The following ADAM23 variants were observed in gnomAD, a reference collection of about 807,000 sequenced individuals.
ADAM23 encodes the protein disintegrin and metalloproteinase domain-containing protein 23.
A neutral mutation model predicts 120.1 loss-of-function variants in ADAM23; 33 were observed. The ratio of observed to expected loss-of-function variants is 0.27; its 90% CI spans 0.21 to 0.37. ADAM23 has a LOEUF of 0.37. Ranked by LOEUF, ADAM23 falls within the 10% of genes least tolerant of loss-of-function variation. ADAM23 has a pLI of 1.00. For synonymous variants in ADAM23, 367 were observed against 375.2 expected (o/e 0.98, Z 0.25); for missense variants, 862 against 1,058.2 (o/e 0.81, Z 2.57).
rs183079574 is a variant in ADAM23 at position 206,584,156 on chromosome 2, A to C, written c.1738-3169A>C. 8.5e-3 allele frequency among the ~76,000 whole-genome samples: 1,287 copies of C among 152,134 alleles called. 14 individuals are homozygous for C. The highest frequency in any genetic ancestry group is 0.03 in the African/African-American group (1,235 of 41,470). On this transcript the variant is annotated intron_variant, in intron 18 of 25. Coordinates refer to ENST00000264377, the MANE Select transcript of ADAM23 (RefSeq NM_003812.4). ...CTGTGTCTAGCCATCCAGTGAGTCT[A>C]CCCGGCTCCAGGCTGGTACTGGGGG...
chr2:206,543,171 A>C, intron 5 of ADAM23, 82 bp from the exon 6 acceptor site: 1 of 1,198,016 alleles, frequency 8.3e-7, no homozygotes, highest in South Asian at 1.2e-5. Context: ...TTTTGAAGAC[A>C]CAATAATGAA....
At chr2:206,557,702 A>G (rs1277110525) in intron 10 of ADAM23, among the ~76,000 whole-genome samples, 2 of 152,312 alleles carry the variant, frequency 1.3e-5, no homozygotes, top group East Asian at 3.9e-4. Context: ...AATCCCAAAG[A>G]TACATTAGTG....
intron 7 of ADAM23, among the ~76,000 whole-genome samples, chr2:206,547,997 ATAG>A (rs3217266): frequency 0.15 from 23,396 of 152,222 alleles, 1,880 homozygotes; most frequent in Admixed American, 0.21. Flanking sequence ...TGAATTAGAC[ATAG>A]TAGAACTCTG....
intron 4 of ADAM23, among the ~76,000 whole-genome samples, chr2:206,540,738 A>T (rs1004537280): frequency 3.9e-5 from 6 of 152,004 alleles, no homozygotes; most frequent in Admixed American, 3.9e-4. Context: ...AGCATCTGAA[A>T]AAAGAAAAAT....
chr2:206,492,801 A>C (rs1179563688), intron 3 of ADAM23, among the ~76,000 whole-genome samples: 4 of 152,178 alleles, frequency 2.6e-5, no homozygotes, highest in Non-Finnish European at 5.9e-5. Flanking sequence ...GTGGGGTTTA[A>C]ATTTCCACAT....
At position 206,533,482 on chromosome 2, in the gene ADAM23, C is replaced by T. The variant is rs528037834; in HGVS notation, c.573+2534C>T. ...CCTCCCAAAGTGCTGGGATTATAGG[C>T]GTGAGCCACCGTGCCCGGCTCAAAG... On this transcript the variant is annotated intron_variant, in intron 4 of 25. Transcript: ENST00000264377. Among the ~76,000 whole-genome samples the T allele has an allele frequency of 2.0e-5, 3 of 152,276 alleles. No homozygotes were observed. The East Asian group carries it at 5.8e-4, about 29-fold the overall frequency.
chr2:206,446,179 A>C (rs1432834912), intron 2 of ADAM23, among the ~76,000 whole-genome samples: 1 of 152,228 alleles, frequency 6.6e-6, no homozygotes, highest in Non-Finnish European at 1.5e-5. Flanking sequence ...CAGTTGCTTT[A>C]CTTTCAGGTT....
At chr2:206,604,351 T>C (rs1168294178) in intron 24 of ADAM23, among the ~76,000 whole-genome samples, 1 of 152,214 alleles carries the variant, frequency 6.6e-6, no homozygotes, top group African/African-American at 2.4e-5. Flanking sequence ...TCTAAGGTCT[T>C]TTTAAAAATG....
intron 2 of ADAM23, 100 bp from the exon 3 acceptor site, chr2:206,481,132 G>A (rs1476763391): frequency 8.6e-6 from 7 of 814,230 alleles, no homozygotes; most frequent in African/African-American, 1.8e-5. Context: ...GAAATGAACT[G>A]ATACATAAAA....
chr2:206,445,328 C>T lies in ADAM23; in HGVS notation c.236C>T (p.Ala79Val). The change falls in exon 2 of 26, where the codon GCA becomes GTA. Residue 79 changes from alanine to valine, a missense_variant. Transcript: ENST00000264377. ...CCAGCTCCGCATTGGAATGAAACTG[C>T]AGAAAAAAATTTGGGAGTCCTGGCA... The part of the protein sequence containing the change: ...APSAPHWNET[A>V]EKNLGVLADE... 4 of 1,613,796 alleles carry T rather than the reference C, an allele frequency of 2.5e-6. No individual in the cohort carries two copies. In the South Asian group the frequency reaches 4.4e-5, roughly 18 times the overall value.
At chr2:206,573,732 A>G (rs1258948337) in intron 18 of ADAM23, among the ~76,000 whole-genome samples, 1 of 152,168 alleles carries the variant, frequency 6.6e-6, no homozygotes, top group Non-Finnish European at 1.5e-5. Context: ...AAAAATAGCA[A>G]CAATGAAAAT....
chr2:206,616,755 T>A (rs1331131708), intron 25 of ADAM23, among the ~76,000 whole-genome samples: 1 of 152,106 alleles, frequency 6.6e-6, no homozygotes, highest in Non-Finnish European at 1.5e-5. Context: ...GTATGCAGAC[T>A]AAATGCATGA....
intron 25 of ADAM23, among the ~76,000 whole-genome samples, chr2:206,613,303 C>T (rs1698871335): frequency 6.6e-6 from 1 of 152,172 alleles, no homozygotes; most frequent in South Asian, 2.1e-4. Context: ...AGGTGATCCG[C>T]CAGACTCGGC....
chr2:206,601,603 T>C (rs1698640877), intron 24 of ADAM23, among the ~76,000 whole-genome samples: 1 of 151,740 alleles, frequency 6.6e-6, no homozygotes, highest in Non-Finnish European at 1.5e-5. Flanking sequence ...AAAAACCCCG[T>C]CTATATAAAA....
chr2:206,608,304 TG>T (rs2105863380), intron 24 of ADAM23, among the ~76,000 whole-genome samples: 1 of 152,360 alleles, frequency 6.6e-6, no homozygotes, highest in Admixed American at 6.5e-5. Context: ...AGATTTGGTC[TG>T]TGGGCTCCAG....
At chr2:206,537,135 T>A (rs561304326) in intron 4 of ADAM23, among the ~76,000 whole-genome samples, 9 of 152,208 alleles carry the variant, frequency 5.9e-5, no homozygotes, top group Non-Finnish European at 1.3e-4. Context: ...CAGATAAAGA[T>A]CCCTGCCCTT....
rs140810069 is a variant in ADAM23, at chr2:206,467,414, G to A, written c.433-13818G>A. ...TCAGCGAAAAGAAAGGGGCTTATAG[G>A]CCCCATGCAAGTCTGAAACCCACCT... On this transcript the variant is annotated intron_variant, in intron 2 of 25. Coordinates refer to ENST00000264377, the MANE Select transcript of ADAM23 (RefSeq NM_003812.4). Among the ~76,000 whole-genome samples the A allele has an allele frequency of 6.6e-5, 10 of 152,310 alleles. No homozygotes were observed. The East Asian group carries it at 1.7e-3, about 26-fold the overall frequency.
chr2:206,569,747 G>A (rs2105829567), intron 15 of ADAM23, among the ~76,000 whole-genome samples: 1 of 152,268 alleles, frequency 6.6e-6, no homozygotes, highest in East Asian at 1.9e-4. Context: ...TTCCACAGGG[G>A]GAGTCCCACC....
intron 3 of ADAM23, among the ~76,000 whole-genome samples, chr2:206,499,852 A>G (rs896660051): frequency 5.9e-5 from 9 of 152,056 alleles, no homozygotes; most frequent in Non-Finnish European, 1.2e-4. Context: ...TCAGTGAACT[A>G]TGAAAAAATG....
Sources: gnomAD v4.1 joint callset for allele counts (sites outside exome capture counted in the v4.1 genomes callset) on GRCh38, gnomAD v4.1.1 for gene constraint, MANE v1.5 for transcripts, NCBI Gene and HGNC (gene_info 2026-07-23, HGNC 2026-07-21) for gene names.